Variants in FCN3 observed in about 807,000 individuals in gnomAD.
The protein encoded by FCN3 is ficolin 3.
A neutral mutation model predicts 31.5 loss-of-function variants in FCN3; 28 were observed. The observed-to-expected ratio is 0.89, with a 90% CI of 0.66 to 1.22. FCN3 has a LOEUF of 1.22. Ranked by LOEUF, FCN3 falls within the 50% of genes most tolerant of loss-of-function variation. The probability of loss-of-function intolerance (pLI) is 0.00; values close to 1 mark genes in which losing one functional copy is unlikely to be tolerated. For synonymous variants in FCN3, 124 were observed against 147.4 expected (o/e 0.84, Z 1.15); for missense variants, 351 against 386.8 (o/e 0.91, Z 0.78).
chr1:27,370,586 G>A lies in FCN3; in HGVS notation c.658+10C>T. The A allele has an allele frequency of 6.2e-7, 1 of 1,612,498 alleles. No individual in the cohort carries two copies. The highest frequency in any genetic ancestry group is 8.5e-7 in the Non-Finnish European group (1 of 1,178,650). On this transcript the variant is annotated intron_variant, in intron 7 of 7. Transcript: ENST00000270879. ...AGCCTCCTTCCTCTGCTCCCCTTAG[G>A]CTCACTCACCTGCAGTGCCCTCTGA...
chr1:27,374,495 C>G (rs1328506143), intron 1 of FCN3, 44 bp from the exon 2 acceptor site: 2 of 1,276,482 alleles, frequency 1.6e-6, no homozygotes, highest in Non-Finnish European at 2.3e-6. Context: ...TAGACTGTCT[C>G]TTCCAGACCC....
intron 5 of FCN3, 125 bp downstream of exon 5, chr1:27,373,011 C>T: frequency 8.0e-7 from 1 of 1,242,280 alleles, no homozygotes; most frequent in East Asian, 2.3e-5. Flanking sequence ...TGGGGGCTCA[C>T]TAAACATTTG....
intron 5 of FCN3, among the ~76,000 whole-genome samples, chr1:27,372,771 C>CTCTTTTT (rs1227181271): frequency 8.3e-5 from 5 of 59,952 alleles, no homozygotes; most frequent in East Asian, 5.8e-4. Flanking sequence ...CCTCCCTACC[C>CTCTTTTT]TATTTTTTTT....
chr1:27,373,483 C>G lies in FCN3; in HGVS notation c.265+5G>C. 6.2e-7 allele frequency: 1 copy of G among 1,614,078 alleles called. No individual in the cohort carries two copies. The highest frequency in any genetic ancestry group is 1.1e-5 in the South Asian group (1 of 91,082). ...AGTTCCTGGCTCCTGCAAGGGCTGC[C>G]TCACCTTCCTGGCACCGGAGCAGGT... On this transcript the variant is annotated splice_donor_5th_base_variant and intron_variant, in intron 4 of 7. Coordinates refer to ENST00000270879, the MANE Select transcript of FCN3 (RefSeq NM_003665.4).
chr1:27,374,401 C>CG lies in FCN3; in HGVS notation c.141dup (p.Gly48ArgfsTer29), dbSNP rs1557578173. The CG allele has an allele frequency of 1.1e-5, 17 of 1,613,958 alleles. No homozygotes were observed. The highest frequency in any genetic ancestry group is 2.2e-5 in the East Asian group (1 of 44,852). ...TTCTCCCCAGGACTTCCTGGAGCTC[C>CG]GGGACAACTGGGCAGGAGGACAACT... On this transcript the variant is annotated frameshift_variant, in exon 2 of 8. Coordinates refer to ENST00000270879, the MANE Select transcript of FCN3 (RefSeq NM_003665.4). LOFTEE classifies it high-confidence loss of function.
chr1:27,369,578 T>C, intron 7 of FCN3, 101 bp from the exon 8 acceptor site: 2 of 1,137,406 alleles, frequency 1.8e-6, no homozygotes, highest in South Asian at 2.7e-5. Context: ...AAGAGTTGAA[T>C]TTTATCAGGC....
At chr1:27,373,734 G>A in intron 3 of FCN3, 1 of 641,762 alleles carries the variant, frequency 1.6e-6, no homozygotes, top group Non-Finnish European at 2.7e-6. Flanking sequence ...GGCCTTCATA[G>A]GGTACCCAGG....
At chr1:27,370,059 T>C (rs1571086767) in intron 7 of FCN3, among the ~76,000 whole-genome samples, 1 of 148,906 alleles carries the variant, frequency 6.7e-6, no homozygotes, top group Non-Finnish European at 1.5e-5. Context: ...CAGGCTAGAG[T>C]GCAGTGACAC....
Position 27,373,217 on chromosome 1 carries a change from G to A in FCN3, c.312C>T (p.Ser104=), listed in dbSNP as rs145351493. The change falls in exon 5 of 8, where the codon AGC becomes AGT. Residue 104 remains serine (S), a synonymous_variant. Coordinates refer to ENST00000270879, the MANE Select transcript of FCN3 (RefSeq NM_003665.4). The part of the protein sequence containing the change: ...RELLSQGATL[S]GWYHLCLPEG... Reference sequence around the variant, plus strand: ...CAGGTAGGCACAGATGGTACCAGCCGCTCAAGGTGGCGCCCTGGCTCAACA... The same window carrying A: ...CAGGTAGGCACAGATGGTACCAGCCACTCAAGGTGGCGCCCTGGCTCAACA... The A allele has an allele frequency of 3.2e-5, 52 of 1,613,940 alleles. No homozygotes were observed. Among genetic ancestry groups the A allele is most frequent in the Non-Finnish European group, 3.8e-5 (45 of 1,179,996 alleles).
intron 3 of FCN3, 94 bp downstream of exon 3, chr1:27,373,871 C>T: frequency 9.2e-7 from 1 of 1,088,818 alleles, no homozygotes; most frequent in Non-Finnish European, 1.4e-6. Flanking sequence ...TGTGAGAGAG[C>T]CATCATAGGC....
chr1:27,373,638 A>G (rs907129886), intron 3 of FCN3, 118 bp from the exon 4 acceptor site: 29 of 1,086,186 alleles, frequency 2.7e-5, no homozygotes, highest in Admixed American at 1.4e-4. Context: ...CCAGCCTTCC[A>G]TACCCTGTAG....
chr1:27,374,489 C>T (rs985089451), intron 1 of FCN3, 38 bp from the exon 2 acceptor site: 1 of 1,367,682 alleles, frequency 7.3e-7, no homozygotes, highest in Admixed American at 1.7e-5. Flanking sequence ...ACAGGGTAGA[C>T]TGTCTCTTCC....
chr1:27,371,575 C>T (rs1163122651), intron 5 of FCN3, among the ~76,000 whole-genome samples: 1 of 151,982 alleles, frequency 6.6e-6, no homozygotes, highest in East Asian at 1.9e-4. Flanking sequence ...GACTCCGTCT[C>T]AAAACAAACA....
chr1:27,374,302 C>T, intron 2 of FCN3, 54 bp downstream of exon 2: 1 of 1,356,438 alleles, frequency 7.4e-7, no homozygotes, highest in Non-Finnish European at 1.1e-6. Flanking sequence ...AAAATTGCTA[C>T]TTTCCTGCCT....
rs1464710299 is a variant in FCN3 at position 27,369,165 on chromosome 1, T to G, written c.*71A>C. The G allele has an allele frequency of 5.1e-6, 8 of 1,579,904 alleles. No homozygotes were observed. In the East Asian group the frequency reaches 1.8e-4, roughly 36 times the overall value. ...ATGTGGACAGGCAAGCAGAGGTGGT[T>G]GGCAAAGGCAAGGTGGCTGACGATC... is the stretch of plus-strand genomic sequence containing the variant. On this transcript the variant is annotated 3_prime_UTR_variant, in exon 8 of 8. Coordinates refer to ENST00000270879, the MANE Select transcript of FCN3 (RefSeq NM_003665.4).
chr1:27,372,409 G>C (rs1307896256), intron 5 of FCN3, among the ~76,000 whole-genome samples: 1 of 151,896 alleles, frequency 6.6e-6, no homozygotes, highest in Non-Finnish European at 1.5e-5. Flanking sequence ...CATCACGCCT[G>C]GCTAATTTTT....
At chr1:27,372,745 T>C (rs887949489) in intron 5 of FCN3, among the ~76,000 whole-genome samples, 3 of 150,688 alleles carry the variant, frequency 2.0e-5, no homozygotes, top group African/African-American at 7.3e-5. Flanking sequence ...TTATCTTTAC[T>C]TCTAGCTGGA....
chr1:27,374,538 C>CA lies in FCN3; in HGVS notation c.92-88dup, dbSNP rs1353473447. The CA allele has an allele frequency of 1.0e-5, 10 of 954,404 alleles. No homozygotes were observed. The Admixed American group carries it at 2.2e-4, about 21-fold the overall frequency. 59.1% of individuals were successfully genotyped at this position (954,404 alleles called of 1,614,324 possible). A position where few individuals can be genotyped will look rare whatever the true frequency, so the allele number is the denominator to read the frequency against. On this transcript the variant is annotated intron_variant, in intron 1 of 7. Transcript: ENST00000270879. ...GTTCTCTTCCTGTCTCCCAGATTCC[C>CA]ACTGTCAGGATGCTTGTCTCCTGAG...
intron 5 of FCN3, among the ~76,000 whole-genome samples, chr1:27,372,404 C>T (rs577962163): frequency 2.4e-3 from 366 of 152,194 alleles, no homozygotes; most frequent in Admixed American, 3.5e-3. Flanking sequence ...CCCACCATCA[C>T]GCCTGGCTAA....
Sources: allele counts gnomAD v4.1 joint callset (sites outside exome capture counted in the v4.1 genomes callset), GRCh38; gene constraint gnomAD v4.1.1; transcripts MANE v1.5; gene names NCBI Gene and HGNC (gene_info 2026-07-23, HGNC 2026-07-21).